ADGRD2: variants seen among roughly 807,000 people sequenced by gnomAD.
ADGRD2 encodes G protein-coupled receptor PGR24.
Under a neutral mutation model 44.4 loss-of-function variants are expected in ADGRD2, and 71 were observed. That is an observed-to-expected ratio of 1.60 (90% CI 1.32 to 1.95). ADGRD2 has a LOEUF of 1.95. Among genes scored for constraint, ADGRD2 ranks in the 30% most tolerant of loss-of-function variants. The pLI is 0.00. For synonymous variants in ADGRD2, 481 were observed against 224.8 expected (o/e 2.14, Z -10.19); for missense variants, 1,039 against 512.4 (o/e 2.03, Z -9.92).
At chr9:124,460,742 T>C (rs554952694) in intron 10 of ADGRD2, among the ~76,000 whole-genome samples, 4 of 152,272 alleles carry the variant, frequency 2.6e-5, no homozygotes, top group African/African-American at 9.6e-5. Flanking sequence ...GTTTGGGCTA[T>C]TATGAATAAG....
chr9:124,467,431 G>A, intron 11 of ADGRD2: 1 of 399,370 alleles, frequency 2.5e-6, no homozygotes, highest in South Asian at 4.5e-5. Context: ...GATACTCCAT[G>A]GTCCCCGGGA....
chr9:124,473,155 C>T (rs1831984668), intron 17 of ADGRD2, among the ~76,000 whole-genome samples: 1 of 152,254 alleles, frequency 6.6e-6, no homozygotes, highest in South Asian at 2.1e-4. Flanking sequence ...CTCTCTCACT[C>T]TCCGTCAGTC....
At chr9:124,456,634 C>T (rs1831622364) in exon 7 of ADGRD2, 1 of 718,102 alleles carries the variant, frequency 1.4e-6, no homozygotes, top group Non-Finnish European at 2.6e-6. Flanking sequence ...GATTGGTGGG[C>T]CTATGGCCCT....
chr9:124,475,822 A>G (rs1424869993), intron 19 of ADGRD2, among the ~76,000 whole-genome samples: 2 of 152,060 alleles, frequency 1.3e-5, no homozygotes, highest in African/African-American at 4.8e-5. Context: ...TACTCGCAGC[A>G]CCCAGGTGGG....
In ADGRD2 at chr9:124,453,017, G is replaced by A. The variant is rs1273874578; in HGVS notation, c.282-18G>A. The A allele has an allele frequency of 1.6e-6, 1 of 640,878 alleles. No homozygotes were observed. Among genetic ancestry groups the A allele is most frequent in the Admixed American group, 2.4e-5 (1 of 41,416 alleles). 39.7% of individuals were successfully genotyped at this position (640,878 alleles called of 1,614,324 possible). A position where few individuals can be genotyped will look rare whatever the true frequency, so the allele number is the denominator to read the frequency against. On this transcript the variant is annotated intron_variant, in intron 2 of 21. Coordinates refer to ENST00000334810, the Ensembl canonical transcript of ADGRD2. ...CACAGGTGAGGAAACTGAGGTCGCA[G>A]CCCACGTGTCCCTGCAGGTGCGCGC...
In ADGRD2 at chr9:124,457,508, G is replaced by C. The variant is rs1254690420; in HGVS notation, c.1544G>C (p.Ser515Thr). ...CGGAGCTTACGCTTGAGGGAGGCCA[G>C]CACGAGGGGCTGCTTATTCACAATG... is the stretch of plus-strand genomic sequence containing the variant. Residue 515 changes from serine (S) to threonine (T), a missense_variant, in exon 8 of 22, where the codon AGC becomes ACC. Physicochemically the swap from Ser to Thr is moderately conservative, Grantham distance 58. Transcript: ENST00000334810. 2.5e-5 allele frequency: 17 copies of C among 679,344 alleles called. No homozygotes were observed. The East Asian group carries it at 2.7e-4, about 11-fold the overall frequency. 42.1% of individuals were successfully genotyped at this position (679,344 alleles called of 1,614,324 possible). A position where few individuals can be genotyped will look rare whatever the true frequency, so the allele number is the denominator to read the frequency against.
chr9:124,452,164 A>G lies in ADGRD2; in HGVS notation c.68+6A>G. 1.4e-6 allele frequency: 1 copy of G among 715,166 alleles called. No individual in the cohort carries two copies. Among genetic ancestry groups the G allele is most frequent in the Non-Finnish European group, 2.6e-6 (1 of 383,256 alleles). 44.3% of individuals were successfully genotyped at this position (715,166 alleles called of 1,614,324 possible). Reference sequence around the variant, plus strand: ...AACCCTTGGGCCCCAGGTTGGTATGAGGGATCCCCCCAGGGAGGGTCCCAG... The same window carrying G: ...AACCCTTGGGCCCCAGGTTGGTATGGGGGATCCCCCCAGGGAGGGTCCCAG... On this transcript the variant is annotated splice_donor_region_variant and intron_variant, in intron 1 of 21. Transcript: ENST00000334810.
rs1320516076 is a variant in ADGRD2, at chr9:124,457,633, A to G, written c.1640+27A>G. 7 of 588,994 alleles carry G rather than the reference A, an allele frequency of 1.2e-5. No individual in the cohort carries two copies. In the Middle Eastern group the frequency reaches 1.0e-3, roughly 87 times the overall value. The allele number at this position is 588,994 out of a possible 1,614,324, so 36.5% of individuals were successfully genotyped here. A position where few individuals can be genotyped will look rare whatever the true frequency, so the allele number is the denominator to read the frequency against. On this transcript the variant is annotated intron_variant, in intron 8 of 21. Coordinates refer to ENST00000334810, the Ensembl canonical transcript of ADGRD2. ...TGGGTGAGGATGAGGGGGTGTCCAG[A>G]GCCCTGTTGGGTTCTGGGTCAAACC...
At chr9:124,460,015 C>A (rs1251303695) in intron 10 of ADGRD2, among the ~76,000 whole-genome samples, 1 of 152,030 alleles carries the variant, frequency 6.6e-6, no homozygotes, top group Admixed American at 6.6e-5. Context: ...ACACAAATTT[C>A]TTCTCCCTTC....
intron 6 of ADGRD2, among the ~76,000 whole-genome samples, chr9:124,456,319 A>G (rs1359975231): frequency 6.6e-6 from 1 of 152,232 alleles, no homozygotes; most frequent in African/African-American, 2.4e-5. Flanking sequence ...TTACAGGTCT[A>G]GCACTGAGCC....
At chr9:124,471,557 T>C (rs970550579) in intron 17 of ADGRD2, among the ~76,000 whole-genome samples, 2 of 152,170 alleles carry the variant, frequency 1.3e-5, no homozygotes, top group Non-Finnish European at 2.9e-5. Context: ...GCCTTGTAAG[T>C]GGGGAAACTG....
At chr9:124,475,778 T>G in intron 19 of ADGRD2, 163 bp downstream of exon 22, 1 of 545,670 alleles carries the variant, frequency 1.8e-6, no homozygotes, top group Non-Finnish European at 3.2e-6. Context: ...CCCATAGCCT[T>G]GGCTCCACCC....
chr9:124,475,392 TG>T, intron 17 of ADGRD2, 53 bp from the exon 21 acceptor site: 1 of 694,500 alleles, frequency 1.4e-6, no homozygotes, highest in Non-Finnish European at 2.7e-6. Flanking sequence ...GGCCAGGCTG[TG>T]GGGGATGGGG....
At chr9:124,453,368 T>C (rs1028967935) in exon 3 of ADGRD2, 1 of 546,436 alleles carries the variant, frequency 1.8e-6, no homozygotes, top group Non-Finnish European at 3.2e-6. Flanking sequence ...CGCTGGGCGC[T>C]GTTCTCCGAT....
In ADGRD2 at chr9:124,453,756, C is replaced by T. The variant is rs370818119; in HGVS notation, c.923+80C>T. 741 of 631,806 alleles carry T rather than the reference C, an allele frequency of 1.2e-3. 5 individuals are homozygous for T. In the African/African-American group the frequency reaches 0.012, roughly 11 times the overall value. 39.1% of individuals were successfully genotyped at this position (631,806 alleles called of 1,614,324 possible). A position where few individuals can be genotyped will look rare whatever the true frequency, so the allele number is the denominator to read the frequency against. On this transcript the variant is annotated intron_variant, in intron 3 of 21. Coordinates refer to ENST00000334810, the Ensembl canonical transcript of ADGRD2. Reference sequence around the variant, plus strand: ...ACCCTGGAACTCGACCCACCCCTTGCCAACCAAGCCACGCCTAGCTCTGGC... The same window carrying T: ...ACCCTGGAACTCGACCCACCCCTTGTCAACCAAGCCACGCCTAGCTCTGGC...
At chr9:124,473,794 C>T (rs1831994761) in intron 17 of ADGRD2, among the ~76,000 whole-genome samples, 1 of 152,128 alleles carries the variant, frequency 6.6e-6, no homozygotes, top group African/African-American at 2.4e-5. Flanking sequence ...GAATGGGCCA[C>T]CTGGAGAGGG....
exon 7 of ADGRD2, chr9:124,456,688 A>G (rs752974924): frequency 2.9e-5 from 21 of 715,482 alleles, no homozygotes; most frequent in South Asian, 2.4e-4. Flanking sequence ...GAGCACCTCA[A>G]TGACCTCAGA....
At chr9:124,470,044 C>T (rs1342460335) in intron 16 of ADGRD2, among the ~76,000 whole-genome samples, 1 of 152,186 alleles carries the variant, frequency 6.6e-6, no homozygotes, top group Non-Finnish European at 1.5e-5. Flanking sequence ...CCCAGCCCTG[C>T]CTCCTTGCTG....
exon 11 of ADGRD2, chr9:124,466,392 G>A: frequency 1.4e-6 from 1 of 716,384 alleles, no homozygotes; most frequent in Non-Finnish European, 2.6e-6. Flanking sequence ...TTGCCATCCT[G>A]CTGCAAATCT....
Sources: allele counts gnomAD v4.1 joint callset (sites outside exome capture counted in the v4.1 genomes callset), GRCh38; gene constraint gnomAD v4.1.1; transcripts MANE v1.5; gene names NCBI Gene and HGNC (gene_info 2026-07-23, HGNC 2026-07-21).